Variants in MEI4 observed in about 807,000 individuals in gnomAD.
MEI4 encodes the protein meiotic double-stranded break formation protein 4, also known as meiosis-specific protein MEI4.
MEI4 carries 27 observed loss-of-function variants against 31.4 expected under a neutral mutation model. The observed-to-expected ratio is 0.86, with a 90% CI of 0.63 to 1.19. The LOEUF is 1.19. MEI4 is among the 50% of genes most tolerant of loss of function. The pLI is 0.00. For synonymous variants in MEI4, 122 were observed against 145.4 expected (o/e 0.84, Z 1.16); for missense variants, 329 against 398.9 (o/e 0.82, Z 1.49).
chr6:77,804,356 C>G (rs1177205868), intron 3 of MEI4, among the ~76,000 whole-genome samples: 3 of 152,098 alleles, frequency 2.0e-5, no homozygotes, highest in Non-Finnish European at 4.4e-5. Context: ...ATCTGTCACC[C>G]CTTTCTTTGA....
intron 4 of MEI4, among the ~76,000 whole-genome samples, chr6:77,918,087 G>A (rs1380532294): frequency 1.3e-5 from 2 of 150,546 alleles, no homozygotes; most frequent in Non-Finnish European, 3.0e-5. Flanking sequence ...TAGATATGTG[G>A]CGTTATTTCT....
intron 3 of MEI4, among the ~76,000 whole-genome samples, chr6:77,783,335 C>A (rs1347166067): frequency 1.3e-5 from 2 of 152,070 alleles, no homozygotes; most frequent in Non-Finnish European, 1.5e-5. Context: ...TAAAAATATA[C>A]CTTCCTTCAT....
rs993891142 is a variant in MEI4, at chr6:77,906,017, C to T, written c.901-17072C>T. On this transcript the variant is annotated intron_variant, in intron 4 of 4. Coordinates refer to ENST00000684080, the MANE Select transcript of MEI4 (RefSeq NM_001322247.2). Reference sequence around the variant, plus strand: ...TTTTTATTTATTGTATTTTCAGCCCCGGAATTTTCCTTTTTTAATACAATT... The same window carrying T: ...TTTTTATTTATTGTATTTTCAGCCCTGGAATTTTCCTTTTTTAATACAATT... Among the ~76,000 whole-genome samples, 24 of 151,846 alleles carry T rather than the reference C, an allele frequency of 1.6e-4. 1 individual carries two copies. The highest frequency in any genetic ancestry group is 4.6e-4 in the African/African-American group (19 of 41,366).
At chr6:77,726,917 A>G (rs1320806481) in intron 2 of MEI4, among the ~76,000 whole-genome samples, 1 of 140,676 alleles carries the variant, frequency 7.1e-6, no homozygotes, top group Non-Finnish European at 1.5e-5. Context: ...TTGGTGCTTT[A>G]AATAAATAAC....
At chr6:77,752,737 A>G (rs1767808290) in intron 2 of MEI4, among the ~76,000 whole-genome samples, 1 of 152,230 alleles carries the variant, frequency 6.6e-6, no homozygotes, top group Non-Finnish European at 1.5e-5. Context: ...GACTTTCTTC[A>G]CAGAATTGGA....
intron 4 of MEI4, among the ~76,000 whole-genome samples, chr6:77,917,915 T>G (rs1352555254): frequency 2.0e-5 from 3 of 149,216 alleles, no homozygotes; most frequent in Admixed American, 1.3e-4. Context: ...AACGTTTAAG[T>G]CTTTAATCCA....
At chr6:77,863,896 A>G (rs1452254632) in intron 4 of MEI4, among the ~76,000 whole-genome samples, 5 of 152,254 alleles carry the variant, frequency 3.3e-5, no homozygotes, top group African/African-American at 9.6e-5. Flanking sequence ...CAGAAACTCT[A>G]CAAGCCAAAA....
At chr6:77,789,202 A>G (rs1421395575) in intron 3 of MEI4, among the ~76,000 whole-genome samples, 1 of 152,218 alleles carries the variant, frequency 6.6e-6, no homozygotes, top group African/African-American at 2.4e-5. Flanking sequence ...GACTAGCCAT[A>G]TGTAGATAGC....
At chr6:77,731,154 G>T (rs1454184536) in intron 2 of MEI4, among the ~76,000 whole-genome samples, 4 of 151,614 alleles carry the variant, frequency 2.6e-5, no homozygotes, top group Non-Finnish European at 5.9e-5. Flanking sequence ...GTAATGGGAT[G>T]GCTGGGTCAA....
chr6:77,702,889 C>G lies in MEI4; in HGVS notation c.232+11986C>G, dbSNP rs139808421. ...TCTCTGTAGGGTATGTTCTCCCCCT[C>G]CTTTTGGTCTGGCTGTGTACTATTC... On this transcript the variant is annotated intron_variant, in intron 2 of 4. Coordinates refer to ENST00000684080, the MANE Select transcript of MEI4 (RefSeq NM_001322247.2). 5.1e-4 allele frequency among the ~76,000 whole-genome samples: 77 copies of G among 152,290 alleles called. 2 individuals are homozygous for G. The highest frequency in any genetic ancestry group is 1.3e-3 in the African/African-American group (56 of 41,544).
intron 2 of MEI4, among the ~76,000 whole-genome samples, chr6:77,694,976 C>T (rs1227487751): frequency 6.6e-6 from 1 of 151,642 alleles, no homozygotes; most frequent in Non-Finnish European, 1.5e-5. Context: ...GAGATGGTAT[C>T]TCATTGTGGT....
intron 1 of MEI4, among the ~76,000 whole-genome samples, chr6:77,653,306 A>G (rs556074941): frequency 6.6e-5 from 10 of 152,292 alleles, no homozygotes; most frequent in African/African-American, 2.2e-4. Flanking sequence ...GGGTATGGCA[A>G]ATTGATGTTC....
intron 4 of MEI4, among the ~76,000 whole-genome samples, chr6:77,872,382 G>A (rs1215585182): frequency 6.6e-6 from 1 of 151,982 alleles, no homozygotes; most frequent in Non-Finnish European, 1.5e-5. Flanking sequence ...GAGTTCCGAG[G>A]TGTAGTGTGC....
chr6:77,662,737 C>T (rs544559068), intron 1 of MEI4, among the ~76,000 whole-genome samples: 403 of 152,186 alleles, frequency 2.6e-3, no homozygotes, highest in African/African-American at 9.4e-3. Flanking sequence ...GAATTCTGAC[C>T]ATGCTAACCA....
intron 2 of MEI4, among the ~76,000 whole-genome samples, chr6:77,715,810 A>G (rs1478343422): frequency 6.6e-6 from 1 of 152,190 alleles, no homozygotes; most frequent in East Asian, 1.9e-4. Context: ...GTGATGAGTT[A>G]TTATGTCATG....
At chr6:77,849,574 T>A (rs1770567525) in intron 4 of MEI4, among the ~76,000 whole-genome samples, 1 of 152,238 alleles carries the variant, frequency 6.6e-6, no homozygotes, top group Non-Finnish European at 1.5e-5. Flanking sequence ...AGTTTCTTTT[T>A]GGTATATTTT....
At chr6:77,794,851 G>C (rs1462727780) in intron 3 of MEI4, among the ~76,000 whole-genome samples, 2 of 152,072 alleles carry the variant, frequency 1.3e-5, no homozygotes, top group African/African-American at 4.8e-5. Flanking sequence ...AACAAAAGAA[G>C]TCTTAACTTT....
intron 3 of MEI4, among the ~76,000 whole-genome samples, chr6:77,790,511 C>A (rs1310494683): frequency 1.3e-5 from 2 of 151,050 alleles, no homozygotes; most frequent in African/African-American, 2.4e-5. Flanking sequence ...CACCACTATG[C>A]AATATACTTA....
intron 4 of MEI4, among the ~76,000 whole-genome samples, chr6:77,919,730 A>G (rs1052088967): frequency 2.0e-5 from 3 of 150,190 alleles, no homozygotes; most frequent in African/African-American, 4.9e-5. Flanking sequence ...TGAAAGGATC[A>G]ACAAAATTGA....
Sources: allele counts gnomAD v4.1 joint callset (sites outside exome capture counted in the v4.1 genomes callset), GRCh38; gene constraint gnomAD v4.1.1; transcripts MANE v1.5; gene names NCBI Gene and HGNC (gene_info 2026-07-23, HGNC 2026-07-21).